Variants in TECR observed in about 807,000 individuals in gnomAD.
The protein encoded by TECR is very-long-chain enoyl-CoA reductase.
A neutral mutation model predicts 50.6 loss-of-function variants in TECR; 19 were observed. The observed-to-expected ratio is 0.38, with a 90% CI of 0.26 to 0.55. The LOEUF is 0.55. Among genes scored for constraint, TECR ranks in the 20% least tolerant of loss-of-function variants. TECR has a pLI of 0.79. For missense variants in TECR, 313 were observed against 408.3 expected (o/e 0.77, Z 2.01); for synonymous variants, 168 against 163.5 (o/e 1.03, Z -0.21).
intron 1 of TECR, among the ~76,000 whole-genome samples, chr19:14,545,367 A>C (rs1168511032): frequency 1.3e-5 from 2 of 152,190 alleles, no homozygotes; most frequent in Non-Finnish European, 2.9e-5. Context: ...TTTCCTCAGC[A>C]GGGTCCTCCC....
upstream of TECR, among the ~76,000 whole-genome samples, chr19:14,528,114 C>T (rs1350527014): frequency 6.6e-6 from 1 of 152,016 alleles, no homozygotes; most frequent in Non-Finnish European, 1.5e-5. Context: ...GAATTCCTGA[C>T]CTCATGTGAT....
chr19:14,562,239 C>T (rs1041484718), intron 1 of TECR: 6 of 602,862 alleles, frequency 1.0e-5, no homozygotes, highest in Non-Finnish European at 1.8e-5. Context: ...CCAGGGCCGG[C>T]ACGGGCTCCT....
intron 1 of TECR, among the ~76,000 whole-genome samples, chr19:14,560,188 C>T (rs1181894867): frequency 6.6e-6 from 1 of 152,224 alleles, no homozygotes; most frequent in Non-Finnish European, 1.5e-5. Flanking sequence ...CCGTACTCTC[C>T]CTCTTGGGCC....
At chr19:14,534,359 T>C (rs1263040306) in intron 1 of TECR, among the ~76,000 whole-genome samples, 2 of 148,794 alleles carry the variant, frequency 1.3e-5, no homozygotes, top group East Asian at 3.9e-4. Context: ...CTCCTGACCT[T>C]ATGATCCGCC....
intron 1 of TECR, among the ~76,000 whole-genome samples, chr19:14,551,396 G>C (rs2073499741): frequency 6.6e-6 from 1 of 152,194 alleles, no homozygotes; most frequent in South Asian, 2.1e-4. Context: ...TTTGTGTAGA[G>C]AAGGAGTTTT....
At chr19:14,550,316 A>G (rs936911212) in intron 1 of TECR, among the ~76,000 whole-genome samples, 4 of 152,100 alleles carry the variant, frequency 2.6e-5, no homozygotes, top group Non-Finnish European at 5.9e-5. Context: ...CGCCGCGTGT[A>G]TAAAGCCTGC....
chr19:14,536,031 G>A (rs2072885596), intron 1 of TECR, among the ~76,000 whole-genome samples: 1 of 152,044 alleles, frequency 6.6e-6, no homozygotes. Flanking sequence ...CCAGGCTTGA[G>A]ATAATTTTTC....
At chr19:14,555,860 C>T (rs929058665) in intron 1 of TECR, among the ~76,000 whole-genome samples, 2 of 152,050 alleles carry the variant, frequency 1.3e-5, no homozygotes, top group African/African-American at 4.8e-5. Flanking sequence ...TGCTGGGATT[C>T]CAGGCGTGAG....
At chr19:14,539,330 T>C (rs1443934636) in intron 1 of TECR, among the ~76,000 whole-genome samples, 1 of 151,950 alleles carries the variant, frequency 6.6e-6, no homozygotes, top group Middle Eastern at 3.2e-3. Context: ...TCTTTCCTTC[T>C]TCATGGGAAG....
At chr19:14,549,519 G>T (rs2073422349) in intron 1 of TECR, among the ~76,000 whole-genome samples, 1 of 151,986 alleles carries the variant, frequency 6.6e-6, no homozygotes, top group Admixed American at 6.6e-5. Flanking sequence ...AGAGATAAGG[G>T]TCTTACTATG....
In TECR at chr19:14,562,522, G is replaced by A; in HGVS notation, c.16-3G>A. 6.2e-7 allele frequency: 1 copy of A among 1,614,206 alleles called. No homozygotes were observed. The highest frequency in any genetic ancestry group is 8.5e-7 in the Non-Finnish European group (1 of 1,180,016). ...ACCTAAAAAGGCTGTTCTCTTCTTC[G>A]AGGTGGAGATTCTGGACGCAAAGAC... On this transcript the variant is annotated splice_region_variant and splice_polypyrimidine_tract_variant and intron_variant, in intron 1 of 12. Coordinates refer to ENST00000215567, the MANE Select transcript of TECR (RefSeq NM_138501.6).
At chr19:14,527,939 G>A (rs2072466058), upstream of TECR, 1 of 151,926 alleles carries the variant, frequency 6.6e-6, no homozygotes. Flanking sequence ...CGCCCAGGCT[G>A]GAGTGCAGTG....
chr19:14,530,501 A>G (rs2072597062), intron 1 of TECR: 1 of 152,272 alleles, frequency 6.6e-6, no homozygotes, highest in African/African-American at 2.4e-5. Flanking sequence ...TTAAAATTCA[A>G]AATAACAATT....
At chr19:14,530,469 C>T (rs1321221229) in intron 1 of TECR, 1 of 152,150 alleles carries the variant, frequency 6.6e-6, no homozygotes, top group East Asian at 1.9e-4. Context: ...AAGTAACTAT[C>T]ATCAAATAAT....
chr19:14,565,487 C>A, intron 11 of TECR, 131 bp from the exon 12 acceptor site: 1 of 1,445,388 alleles, frequency 6.9e-7, no homozygotes, highest in Non-Finnish European at 9.4e-7. Context: ...TACAGCCCCG[C>A]CTCCGCTGGA....
rs1158826581 is a variant in TECR, at chr19:14,564,850, C to T, written c.554C>T (p.Thr185Ile). 1.2e-6 allele frequency: 2 copies of T among 1,613,878 alleles called. No homozygotes were observed. Among genetic ancestry groups the T allele is most frequent in the African/African-American group, 2.7e-5 (2 of 74,884 alleles). Residue 185 changes from threonine (T) to isoleucine (I), a missense_variant, in exon 8 of 13, where the codon ACT (threonine) becomes ATT (isoleucine). Physicochemically the swap from Thr to Ile is moderately conservative, Grantham distance 89. Transcript: ENST00000215567. ...TATTACATCAATCACCCTCTCTACA[C>T]TCCCCCTAGTAAGTGGCCTCAGACC... ...MAYYINHPLY[T>I]PPTYGAQQVK...
rs901410537 is a variant in TECR at position 14,563,502 on chromosome 19, C to T, written c.119-156C>T. The stretch of plus-strand genomic sequence containing the variant: ...GCTCTTCTGGCTTGTGTCCTGAAAC[C>T]GCACAAGCCTGAGGGTTTGCCCCCA... On this transcript the variant is annotated intron_variant, in intron 3 of 12. Coordinates refer to ENST00000215567, the MANE Select transcript of TECR (RefSeq NM_138501.6). The surrounding 1 kb of genome is among the most constrained non-coding windows in gnomAD (Gnocchi z 5.3). 1.6e-5 allele frequency: 16 copies of T among 998,016 alleles called. No individual in the cohort carries two copies. The highest frequency in any genetic ancestry group is 3.2e-5 in the African/African-American group (2 of 62,216). The allele number at this position is 998,016 out of a possible 1,614,324, so 61.8% of individuals were successfully genotyped here. A position where few individuals can be genotyped will look rare whatever the true frequency, so the allele number is the denominator to read the frequency against.
intron 1 of TECR, among the ~76,000 whole-genome samples, chr19:14,556,109 G>A (rs923284047): frequency 6.6e-6 from 1 of 152,040 alleles, no homozygotes; most frequent in Non-Finnish European, 1.5e-5. Context: ...GGCACAGACC[G>A]CCACATCACC....
intron 1 of TECR, among the ~76,000 whole-genome samples, chr19:14,547,767 T>C (rs903147712): frequency 2.0e-5 from 3 of 151,730 alleles, no homozygotes; most frequent in African/African-American, 7.3e-5. Context: ...TAAGTGATAC[T>C]CTTGCCTTAG....
Sources: gnomAD v4.1 joint callset for allele counts (sites outside exome capture counted in the v4.1 genomes callset) on GRCh38, gnomAD v4.1.1 for gene constraint, Gnocchi (gnomAD v3.1) non-coding constraint, MANE v1.5 for transcripts, NCBI Gene and HGNC (gene_info 2026-07-23, HGNC 2026-07-21) for gene names.